The following CAPN11 variants were observed in gnomAD, a reference collection of about 807,000 sequenced individuals.
The protein encoded by CAPN11 is calpain-11.
In CAPN11, 108 loss-of-function variants were observed where a neutral mutation model predicts 105.3. That is an observed-to-expected ratio of 1.03 (90% CI 0.88 to 1.20). The LOEUF is 1.20. Ranked by LOEUF, CAPN11 falls within the 50% of genes most tolerant of loss-of-function variation. The pLI is 0.00. For synonymous variants in CAPN11, 329 were observed against 344.5 expected, an observed-to-expected ratio of 0.96 and a Z score of 0.50; for missense variants, 883 against 924.8, an observed-to-expected ratio of 0.95 and a Z score of 0.59.
Position 44,183,907 on chromosome 6 carries a change from G to A in CAPN11, c.2195G>A (p.Trp732Ter). The A allele has an allele frequency of 6.4e-7, 1 of 1,558,400 alleles. No homozygotes were observed. Among genetic ancestry groups the A allele is most frequent in the Non-Finnish European group, 8.7e-7 (1 of 1,150,772 alleles). The change falls in exon 23 of 23, where the codon TGG (tryptophan) becomes TAG (stop). Residue 732 changes from tryptophan to a stop codon, truncating the protein, a stop_gained and splice_region_variant. Transcript: ENST00000398776. LOFTEE classifies it high-confidence loss of function. Reference protein sequence around the residue: ...TGHICLSLEQWLQMTMWG With the variant: ...TGHICLSLEQ ...GGGATCTGCTTCCTGTCTCCACAGT[G>A]GCTGCAGATGACCATGTGGGGATAG...
intron 13 of CAPN11, 117 bp from the exon 14 acceptor site, chr6:44,179,835 G>A: frequency 1.1e-6 from 1 of 916,698 alleles, no homozygotes; most frequent in Non-Finnish European, 1.8e-6. Flanking sequence ...GTCCAGGCCA[G>A]GTCAGTTGGT....
Position 44,176,995 on chromosome 6 carries a change from C to G in CAPN11, c.1234C>G (p.Pro412Ala). Residue 412 changes from proline to alanine, a missense_variant, in exon 11 of 23, where the codon CCT (proline) becomes GCT (alanine). Pro to Ala is a conservative substitution (Grantham distance 27). Coordinates refer to ENST00000398776, the MANE Select transcript of CAPN11 (RefSeq NM_007058.4). ...CTCCGCAGGGGGCTGCAGGAACCAC[C>G]CTGGTGGGTGAGGGGTGAGAGGGGA... ...GSSAGGCRNH[P>A]GTFWTNPQFK... The G allele has an allele frequency of 2.5e-6, 4 of 1,610,126 alleles. No homozygotes were observed. Among genetic ancestry groups the G allele is most frequent in the Non-Finnish European group, 3.4e-6 (4 of 1,178,356 alleles).
At chr6:44,173,097 G>C in intron 6 of CAPN11, 24 bp downstream of exon 6, 1 of 1,611,028 alleles carries the variant, frequency 6.2e-7, no homozygotes, top group Non-Finnish European at 8.5e-7. Flanking sequence ...GCTGAGGAAG[G>C]GGGCTTGCCT....
In CAPN11 at chr6:44,173,020, C is replaced by G. The variant is rs769594113; in HGVS notation, c.609C>G (p.His203Gln). 6.2e-7 allele frequency: 1 copy of G among 1,613,176 alleles called. No homozygotes were observed. The highest frequency in any genetic ancestry group is 1.7e-5 in the Admixed American group (1 of 59,830). ...PTKNDKLVFV[H>Q]STERSEFWSA... ...AGAATGACAAGCTGGTGTTTGTGCACTCAACCGAACGCAGTGAGTTCTGGA... is the reference window on the plus strand; with the variant it reads ...AGAATGACAAGCTGGTGTTTGTGCAGTCAACCGAACGCAGTGAGTTCTGGA... Residue 203 changes from histidine (H) to glutamine (Q), a missense_variant, in exon 6 of 23, where the codon CAC becomes CAG. By Grantham distance (24) the His-to-Gln change is conservative (BLOSUM62 0). Transcript: ENST00000398776.
intron 14 of CAPN11, 128 bp from the exon 15 acceptor site, chr6:44,180,332 C>T: frequency 2.1e-6 from 2 of 966,156 alleles, no homozygotes; most frequent in South Asian, 3.0e-5. Context: ...AGAACTAGAA[C>T]TAGAACCCAT....
rs184018090 is a variant in CAPN11 at position 44,166,785 on chromosome 6, G to A, written c.44G>A (p.Ser15Asn). Residue 15 changes from serine to asparagine, a missense_variant, in exon 2 of 23, where the codon AGC becomes AAC. By Grantham distance (46) the Ser-to-Asn change is conservative. Transcript: ENST00000398776. ...PGPSLPESAE[S>N]LDGSQEDKPR... ...CCGAGTCTTCCGGAGTCAGCAGAGA[G>A]CCTGGATGGATCACAGGAGGATAAG... 9.8e-4 allele frequency: 1,525 copies of A among 1,552,202 alleles called. 10 individuals carry two copies. The highest frequency in any genetic ancestry group is 7.2e-3 in the South Asian group (602 of 84,064).
chr6:44,172,795 G>C (rs933843933), intron 5 of CAPN11, 145 bp from the exon 6 acceptor site: 8 of 900,554 alleles, frequency 8.9e-6, no homozygotes, highest in Non-Finnish European at 1.2e-5. Context: ...GCGGGGCCGG[G>C]CTCAGGCTTT....
Position 44,184,025 on chromosome 6 carries a change from T to G in CAPN11, c.*93T>G. 1 of 1,410,434 alleles carries G rather than the reference T, an allele frequency of 7.1e-7. No homozygotes were observed. Among genetic ancestry groups the G allele is most frequent in the Non-Finnish European group, 9.8e-7 (1 of 1,024,564 alleles). The allele number at this position is 1,410,434 out of a possible 1,614,324, so 87.4% of individuals were successfully genotyped here. A position where few individuals can be genotyped will look rare whatever the true frequency, so the allele number is the denominator to read the frequency against. ...GGGTGCTTCTTGTAGCCCTCAGCTC[T>G]CCGGTCTCTGCTGATGAAATGGGCT... On this transcript the variant is annotated 3_prime_UTR_variant, in exon 23 of 23. Transcript: ENST00000398776.
chr6:44,172,332 C>G lies in CAPN11; in HGVS notation c.440C>G (p.Ser147Cys), dbSNP rs1380851568. Residue 147 changes from serine to cysteine, a missense_variant, in exon 5 of 23, where the codon TCC becomes TGC. Ser to Cys is a moderately radical substitution (Grantham distance 112, BLOSUM62 -1). Transcript: ENST00000398776. ...TGCTGGCTGCTGGCTGCCATCGGCT[C>G]CCTTACCACCTGCCCCAAACTGCTA... ...GDCWLLAAIG[S>C]LTTCPKLLYR... 1.9e-6 allele frequency: 3 copies of G among 1,553,198 alleles called. No individual in the cohort carries two copies. The highest frequency in any genetic ancestry group is 2.4e-5 in the South Asian group (2 of 84,216).
intron 1 of CAPN11, among the ~76,000 whole-genome samples, chr6:44,161,131 G>A (rs368375861): frequency 2.8e-4 from 43 of 151,546 alleles, no homozygotes; most frequent in African/African-American, 1.0e-3. Flanking sequence ...TAGCCCATGT[G>A]ACAGCTTGGA....
At chr6:44,168,559 C>T (rs1582865310) in intron 2 of CAPN11, among the ~76,000 whole-genome samples, 1 of 152,022 alleles carries the variant, frequency 6.6e-6, no homozygotes, top group African/African-American at 2.4e-5. Flanking sequence ...TGAGCCACTG[C>T]ACCAGGCCAA....
At chr6:44,169,118 G>A (rs1420176871) in intron 2 of CAPN11, 163 bp from the exon 3 acceptor site, 8 of 808,836 alleles carry the variant, frequency 9.9e-6, no homozygotes, top group Admixed American at 4.5e-5. Flanking sequence ...TTTTTTTGTC[G>A]AGATGAGATC....
chr6:44,178,582 T>C (rs1422823669), intron 12 of CAPN11, among the ~76,000 whole-genome samples: 3 of 151,938 alleles, frequency 2.0e-5, no homozygotes, highest in African/African-American at 7.3e-5. Context: ...TTAGGGCCAT[T>C]AGTCCACCAG....
At position 44,169,974 on chromosome 6, in the gene CAPN11, C is replaced by T. The variant is rs768352317; in HGVS notation, c.408C>T (p.Leu136=). 1.1e-5 allele frequency: 17 copies of T among 1,608,926 alleles called. No individual in the cohort carries two copies. The highest frequency in any genetic ancestry group is 2.2e-5 in the East Asian group (1 of 44,760). ...ISPTDICQGI[L]GDCWLLAAIG... is the part of the protein sequence containing the mutation. ...CAACAGACATCTGCCAGGGGATCCT[C>T]GGTGAGTGGGGCACAGGAAGCTGGT... The change falls in exon 4 of 23, where the codon CTC becomes CTT. Residue 136 remains leucine, a splice_region_variant and synonymous_variant. Coordinates refer to ENST00000398776, the MANE Select transcript of CAPN11 (RefSeq NM_007058.4).
intron 1 of CAPN11, among the ~76,000 whole-genome samples, chr6:44,161,115 C>T (rs766183258): frequency 2.6e-4 from 40 of 151,862 alleles, no homozygotes; most frequent in Non-Finnish European, 4.7e-4. Context: ...AGCCTTCTCA[C>T]GCTCCTAGCC....
rs372998163 is a variant in CAPN11 at position 44,172,982 on chromosome 6, C to T, written c.571C>T (p.Arg191Trp). 1.7e-4 allele frequency: 272 copies of T among 1,612,946 alleles called. No individual in the cohort carries two copies. The highest frequency in any genetic ancestry group is 2.2e-4 in the Non-Finnish European group (264 of 1,179,532). ...GTGGGTGAACGTGGTGGTAGATGAC[C>T]GGCTGCCCACAAAGAATGACAAGCT... ...GQWVNVVVDD[R>W]LPTKNDKLVF... is the part of the protein sequence containing the mutation. Residue 191 changes from arginine (R) to tryptophan (W), a missense_variant, in exon 6 of 23, where the codon CGG (arginine) becomes TGG (tryptophan). Coordinates refer to ENST00000398776, the MANE Select transcript of CAPN11 (RefSeq NM_007058.4).
chr6:44,181,315 T>A lies in CAPN11; in HGVS notation c.1933T>A (p.Trp645Arg). ...GATCCTGTGGAAAAAACTCAAGAAA[T>A]GGATGGTAAAGGGCACTAAAGGGGC... ...FKILWKKLKK[W>R]MDIFRECDQD... The change falls in exon 19 of 23, where the codon TGG becomes AGG. Residue 645 changes from tryptophan (W) to arginine (R), a missense_variant. Physicochemically the swap from Trp to Arg is moderately radical, Grantham distance 101. Coordinates refer to ENST00000398776, the MANE Select transcript of CAPN11 (RefSeq NM_007058.4). 6.2e-7 allele frequency: 1 copy of A among 1,609,998 alleles called. No individual in the cohort carries two copies. Among genetic ancestry groups the A allele is most frequent in the Non-Finnish European group, 8.5e-7 (1 of 1,178,334 alleles).
chr6:44,176,856 C>A lies in CAPN11; in HGVS notation c.1095C>A (p.Phe365Leu). ...ACCACAGGATGTCCTACCAAGATTT[C>A]CTGAACAACTTCACGCTCCTGGAGA... ...DGEFWMSYQD[F>L]LNNFTLLEIC... The change falls in exon 11 of 23, where the codon TTC becomes TTA. Residue 365 changes from phenylalanine to leucine, a missense_variant. Transcript: ENST00000398776. The A allele has an allele frequency of 6.2e-7, 1 of 1,613,896 alleles. No individual in the cohort carries two copies. Among genetic ancestry groups the A allele is most frequent in the South Asian group, 1.1e-5 (1 of 91,082 alleles).
chr6:44,170,097 C>T (rs150945594), intron 4 of CAPN11, 122 bp downstream of exon 4: 8 of 724,390 alleles, frequency 1.1e-5, no homozygotes, highest in African/African-American at 1.0e-4. Flanking sequence ...TTCTGTTCCC[C>T]TGTCCCTCCC....
Sources: allele counts gnomAD v4.1 joint callset (sites outside exome capture counted in the v4.1 genomes callset), GRCh38; gene constraint gnomAD v4.1.1; transcripts MANE v1.5; gene names NCBI Gene and HGNC (gene_info 2026-07-23, HGNC 2026-07-21).